Variants in C5orf63 observed in about 807,000 individuals in gnomAD.
The protein encoded by C5orf63 is glutaredoxin-like protein C5orf63.
In C5orf63, 18 loss-of-function variants were observed where a neutral mutation model predicts 13.3. The observed-to-expected ratio is 1.36, with a 90% CI of 0.94 to 2.01. C5orf63 has a LOEUF of 2.01. C5orf63 is among the 30% of genes most tolerant of loss of function. The probability of loss-of-function intolerance (pLI) is 0.00; values close to 1 mark genes in which losing one functional copy is unlikely to be tolerated. For synonymous variants in C5orf63, 38 were observed against 44.7 expected (o/e 0.85, Z 0.60); for missense variants, 118 against 127.7 (o/e 0.92, Z 0.36).
At chr5:127,042,882 T>G (rs918621030), downstream of C5orf63, 2 of 152,216 alleles carry the variant, frequency 1.3e-5, no homozygotes, top group African/African-American at 4.8e-5. Flanking sequence ...TCCTCTCCGC[T>G]GTTTAGTTTT....
At chr5:127,045,769 C>T (rs1194320210) in exon 5 of C5orf63, 1 of 152,130 alleles carries the variant, frequency 6.6e-6, no homozygotes, top group Non-Finnish European at 1.5e-5. Flanking sequence ...GATTATTTTC[C>T]TCTGATACGA....
At chr5:127,067,076 TA>T (rs1250163746) in intron 2 of C5orf63, among the ~76,000 whole-genome samples, 1 of 152,178 alleles carries the variant, frequency 6.6e-6, no homozygotes, top group Non-Finnish European at 1.5e-5. Flanking sequence ...TGCCTACTCC[TA>T]AAATGAACTA....
chr5:127,044,610 G>A (rs1753480793), downstream of C5orf63: 1 of 151,982 alleles, frequency 6.6e-6, no homozygotes, highest in South Asian at 2.1e-4. Flanking sequence ...CTGTCTCTAT[G>A]GTGAACAAGA....
At position 127,051,985 on chromosome 5, in the gene C5orf63, C is replaced by T. The variant is rs564514499; in HGVS notation, c.172-38G>A. The T allele has an allele frequency of 2.1e-6, 3 of 1,407,004 alleles. No homozygotes were observed. In the African/African-American group the frequency reaches 4.4e-5, roughly 20 times the overall value. 87.2% of individuals were successfully genotyped at this position (1,407,004 alleles called of 1,614,324 possible). On this transcript the variant is annotated intron_variant, in intron 4 of 4. Transcript: ENST00000296662. ...CAGACTAAAGCTCTGTATTTTAGAC[C>T]ATGGGGTGATGTAACAACTGCAGTG...
chr5:127,051,517 G>T lies in C5orf63; in HGVS notation c.*254C>A. On this transcript the variant is annotated 3_prime_UTR_variant, in exon 5 of 5. Transcript: ENST00000296662. ...TACAAAAAGGATAAATAAGACAAAT[G>T]GACTTCTCCCTCCCTCCATCATCTC... 8.1e-7 allele frequency: 1 copy of T among 1,237,896 alleles called. No homozygotes were observed. The highest frequency in any genetic ancestry group is 4.0e-5 in the South Asian group (1 of 25,016). The allele number at this position is 1,237,896 out of a possible 1,614,324, so 76.7% of individuals were successfully genotyped here.
chr5:127,057,793 G>A (rs900672085), intron 3 of C5orf63, among the ~76,000 whole-genome samples: 15 of 152,166 alleles, frequency 9.9e-5, no homozygotes, highest in African/African-American at 3.6e-4. Context: ...TTCATGGTGT[G>A]CATAGTGCCA....
At chr5:127,067,051 A>T (rs1254592426) in intron 2 of C5orf63, among the ~76,000 whole-genome samples, 2 of 152,210 alleles carry the variant, frequency 1.3e-5, no homozygotes, top group Non-Finnish European at 2.9e-5. Flanking sequence ...CAAAGGAATG[A>T]AATCTTTCAA....
Position 127,051,484 on chromosome 5 carries a change from T to C in C5orf63, c.*287A>G, listed in dbSNP as rs1374838877. 1.6e-6 allele frequency: 2 copies of C among 1,233,688 alleles called. No individual in the cohort carries two copies. The highest frequency in any genetic ancestry group is 8.3e-5 in the Admixed American group (2 of 24,090). 76.4% of individuals were successfully genotyped at this position (1,233,688 alleles called of 1,614,324 possible). On this transcript the variant is annotated 3_prime_UTR_variant, in exon 5 of 5. Transcript: ENST00000296662. ...TTGCCCAGTGACTGTGAAGTGCTTCTCTATTAATACAAAAAGGATAAATAA... is the reference window on the plus strand; with the variant it reads ...TTGCCCAGTGACTGTGAAGTGCTTCCCTATTAATACAAAAAGGATAAATAA...
intron 2 of C5orf63, among the ~76,000 whole-genome samples, chr5:127,060,221 G>GA (rs1413856555): frequency 2.0e-5 from 3 of 151,422 alleles, no homozygotes; most frequent in East Asian, 1.9e-4. Flanking sequence ...TACCTTGTCA[G>GA]AAAAAAAAAT....
Position 127,058,887 on chromosome 5 carries a change from T to C in C5orf63, c.109A>G (p.Thr37Ala). The change falls in exon 3 of 5, where the codon ACA becomes GCA. Residue 37 changes from threonine (T) to alanine (A), a missense_variant. Coordinates refer to ENST00000296662, the MANE Select transcript of C5orf63 (RefSeq NM_001164478.2). ...TTTACTTTTTCACTTTGTACCTTTG[T>C]GAATAAGGTCAACACAGGCAGAGTT... ...KTTLPVLTLF[T>A]KDPCPLCDEA... 5 of 1,530,958 alleles carry C rather than the reference T, an allele frequency of 3.3e-6. No individual in the cohort carries two copies. The highest frequency in any genetic ancestry group is 4.4e-6 in the Non-Finnish European group (5 of 1,141,636). The allele number at this position is 1,530,958 out of a possible 1,614,324, so 94.8% of individuals were successfully genotyped here.
At chr5:127,066,341 G>A (rs188624771) in intron 2 of C5orf63, among the ~76,000 whole-genome samples, 1 of 152,146 alleles carries the variant, frequency 6.6e-6, no homozygotes, top group Non-Finnish European at 1.5e-5. Flanking sequence ...TTCAGCTGCT[G>A]TGCGAAGAAC....
downstream of C5orf63, among the ~76,000 whole-genome samples, chr5:127,049,652 C>T (rs914211888): frequency 3.3e-5 from 5 of 152,222 alleles, no homozygotes; most frequent in Admixed American, 6.5e-5. Context: ...TACGGTGCTT[C>T]AATGCTGTAA....
intron 4 of C5orf63, 75 bp from the exon 5 acceptor site, chr5:127,052,022 C>T (rs1753695624): frequency 2.7e-6 from 3 of 1,122,968 alleles, no homozygotes; most frequent in Non-Finnish European, 3.5e-6. Context: ...TAAACTGATC[C>T]CCAGACCATT....
At chr5:127,055,387 G>C (rs1441196694) in intron 3 of C5orf63, among the ~76,000 whole-genome samples, 1 of 152,168 alleles carries the variant, frequency 6.6e-6, no homozygotes. Flanking sequence ...AGATTTTAAA[G>C]GTCTGACTGA....
intron 2 of C5orf63, among the ~76,000 whole-genome samples, chr5:127,061,609 T>G (rs778425646): frequency 2.6e-5 from 4 of 152,246 alleles, no homozygotes; most frequent in Non-Finnish European, 5.9e-5. Flanking sequence ...CACTGGTACA[T>G]ACATATTTTT....
At chr5:127,047,207 G>A (rs977172175), downstream of C5orf63, 1 of 153,732 alleles carries the variant, frequency 6.5e-6, no homozygotes, top group African/African-American at 2.4e-5. Flanking sequence ...GCTTGAAGGG[G>A]GAAAAAAAGG....
downstream of C5orf63, among the ~76,000 whole-genome samples, chr5:127,049,566 C>T (rs568541979): frequency 4.6e-5 from 7 of 152,300 alleles, no homozygotes; most frequent in South Asian, 1.4e-3. Flanking sequence ...CTTGTCTCTC[C>T]TTGCTCCTTA....
At chr5:127,048,213 CCT>C (rs1753567111), downstream of C5orf63, among the ~76,000 whole-genome samples, 1 of 150,972 alleles carries the variant, frequency 6.6e-6, no homozygotes, top group South Asian at 2.1e-4. Flanking sequence ...ATACCAGTCC[CCT>C]CTCACATTTG....
downstream of C5orf63, chr5:127,044,639 A>G (rs1753481531): frequency 6.6e-6 from 1 of 152,008 alleles, no homozygotes. Flanking sequence ...TCTGGTGCGC[A>G]TATCTGTGGA....
Sources: allele counts gnomAD v4.1 joint callset (sites outside exome capture counted in the v4.1 genomes callset), GRCh38; gene constraint gnomAD v4.1.1; transcripts MANE v1.5; gene names NCBI Gene and HGNC (gene_info 2026-07-23, HGNC 2026-07-21).